Variants in EXOC6B observed in about 807,000 individuals in gnomAD.
EXOC6B encodes the protein SEC15 homolog B.
Under a neutral mutation model 113.5 loss-of-function variants are expected in EXOC6B, and 54 were observed. The ratio of observed to expected loss-of-function variants is 0.48; its 90% confidence interval spans 0.38 to 0.60. The LOEUF is 0.60. Among genes scored for constraint, EXOC6B ranks in the 20% least tolerant of loss-of-function variants. The probability of loss-of-function intolerance (pLI) is 0.00; values close to 1 mark genes in which losing one functional copy is unlikely to be tolerated. For missense variants in EXOC6B, 797 were observed against 977.5 expected (o/e 0.82, Z 2.46); for synonymous variants, 357 against 339.0 (o/e 1.05, Z -0.58).
intron 20 of EXOC6B, among the ~76,000 whole-genome samples, chr2:72,297,349 C>T (rs1483474775): frequency 9.9e-5 from 15 of 151,982 alleles, no homozygotes; most frequent in Admixed American, 9.2e-4. Flanking sequence ...TCCTCTCCCT[C>T]CTCATTTTCC....
intron 20 of EXOC6B, among the ~76,000 whole-genome samples, chr2:72,240,934 G>A (rs1439058137): frequency 2.0e-5 from 3 of 152,192 alleles, no homozygotes; most frequent in East Asian, 1.9e-4. Flanking sequence ...CAAACAGGCC[G>A]GTGGATATAG....
At chr2:72,817,505 T>C (rs1224257847) in intron 1 of EXOC6B, among the ~76,000 whole-genome samples, 1 of 152,232 alleles carries the variant, frequency 6.6e-6, no homozygotes, top group African/African-American at 2.4e-5. Context: ...AACAAATATT[T>C]ACTGAGCACC....
At chr2:72,693,343 T>C (rs1677638905) in intron 6 of EXOC6B, among the ~76,000 whole-genome samples, 1 of 151,938 alleles carries the variant, frequency 6.6e-6, no homozygotes, top group Admixed American at 6.6e-5. Flanking sequence ...TGGAGTGCAG[T>C]GGTGCAATCT....
At chr2:72,585,924 T>C (rs949665446) in intron 6 of EXOC6B, among the ~76,000 whole-genome samples, 1 of 151,852 alleles carries the variant, frequency 6.6e-6, no homozygotes, top group Non-Finnish European at 1.5e-5. Context: ...AACAACACAA[T>C]AGAGAACCCA....
intron 20 of EXOC6B, among the ~76,000 whole-genome samples, chr2:72,206,555 GTTGA>G (rs1679849549): frequency 6.6e-6 from 1 of 152,114 alleles, no homozygotes; most frequent in Admixed American, 6.6e-5. Context: ...CAGTTGAACT[GTTGA>G]TTATGTCAGT....
At chr2:72,619,169 A>T (rs965097686) in intron 6 of EXOC6B, among the ~76,000 whole-genome samples, 1 of 151,086 alleles carries the variant, frequency 6.6e-6, no homozygotes, top group Admixed American at 6.6e-5. Context: ...AAGACAGAGA[A>T]ATACACAGCC....
chr2:72,321,599 C>T (rs997790350), intron 20 of EXOC6B, among the ~76,000 whole-genome samples: 1 of 150,848 alleles, frequency 6.6e-6, no homozygotes, highest in Non-Finnish European at 1.5e-5. Flanking sequence ...TCAAAAGCAC[C>T]ATGCTAAGTG....
intron 20 of EXOC6B, among the ~76,000 whole-genome samples, chr2:72,227,298 G>A (rs1276754291): frequency 6.6e-6 from 1 of 152,062 alleles, no homozygotes; most frequent in Admixed American, 6.6e-5. Flanking sequence ...AGCAAGTACT[G>A]AAAAGGAAAA....
intron 7 of EXOC6B, among the ~76,000 whole-genome samples, chr2:72,566,693 T>A (rs1441698260): frequency 6.6e-6 from 1 of 152,124 alleles, no homozygotes; most frequent in Non-Finnish European, 1.5e-5. Flanking sequence ...CATGGTAATG[T>A]CAGTTTTTTT....
At chr2:72,482,889 C>T (rs569046421) in intron 16 of EXOC6B, among the ~76,000 whole-genome samples, 2 of 152,120 alleles carry the variant, frequency 1.3e-5, no homozygotes, top group Non-Finnish European at 2.9e-5. Flanking sequence ...AAAAACACAG[C>T]GATACAATTC....
At chr2:72,471,424 T>C (rs1698405740) in intron 17 of EXOC6B, among the ~76,000 whole-genome samples, 1 of 152,230 alleles carries the variant, frequency 6.6e-6, no homozygotes, top group Non-Finnish European at 1.5e-5. Context: ...GCCTGTTCAC[T>C]CTGATGGTAG....
At chr2:72,526,791 A>G (rs774705847) in intron 8 of EXOC6B, among the ~76,000 whole-genome samples, 3 of 152,060 alleles carry the variant, frequency 2.0e-5, no homozygotes, top group Non-Finnish European at 4.4e-5. Flanking sequence ...AAGAGAAAAA[A>G]GCAAACTAAA....
chr2:72,751,436 C>G (rs1447458059), intron 1 of EXOC6B, among the ~76,000 whole-genome samples: 1 of 151,980 alleles, frequency 6.6e-6, no homozygotes, highest in East Asian at 1.9e-4. Flanking sequence ...TTTTATCATG[C>G]AGATGAAGCC....
At chr2:72,812,785 CT>C (rs1176958206) in intron 1 of EXOC6B, among the ~76,000 whole-genome samples, 1 of 151,876 alleles carries the variant, frequency 6.6e-6, no homozygotes, top group Non-Finnish European at 1.5e-5. Flanking sequence ...TTAAAATATT[CT>C]GATAAGATTA....
chr2:72,636,927 C>CA (rs35608424), intron 6 of EXOC6B, among the ~76,000 whole-genome samples: 2,647 of 140,406 alleles, frequency 0.019, 82 homozygotes, highest in African/African-American at 0.059. Context: ...AAGCAATCTA[C>CA]AAAAAAAAAA....
At chr2:72,569,096 T>C (rs1704368692) in intron 7 of EXOC6B, among the ~76,000 whole-genome samples, 1 of 152,104 alleles carries the variant, frequency 6.6e-6, no homozygotes, top group South Asian at 2.1e-4. Flanking sequence ...AATGTTTCCA[T>C]TCAACCTTCT....
At chr2:72,439,945 TG>T in intron 18 of EXOC6B, among the ~76,000 whole-genome samples, 1 of 152,128 alleles carries the variant, frequency 6.6e-6, no homozygotes, top group Non-Finnish European at 1.5e-5. Context: ...TGTGGTTTGC[TG>T]GGGGTTCATT....
chr2:72,199,174 A>T (rs577670722), intron 20 of EXOC6B, among the ~76,000 whole-genome samples: 1 of 152,318 alleles, frequency 6.6e-6, no homozygotes, highest in South Asian at 2.1e-4. Context: ...AGGCTGTAAT[A>T]TTGAGCCACA....
intron 6 of EXOC6B, among the ~76,000 whole-genome samples, chr2:72,644,565 G>T (rs1180567824): frequency 6.6e-6 from 1 of 152,172 alleles, no homozygotes; most frequent in Non-Finnish European, 1.5e-5. Flanking sequence ...ACAAAGGGAA[G>T]CCCATCAGAC....
Sources: gnomAD v4.1 joint callset for allele counts (sites outside exome capture counted in the v4.1 genomes callset) on GRCh38, gnomAD v4.1.1 for gene constraint, MANE v1.5 for transcripts, NCBI Gene and HGNC (gene_info 2026-07-23, HGNC 2026-07-21) for gene names.